The following FMN1 variants were observed in gnomAD, a reference collection of about 807,000 sequenced individuals.
The protein encoded by FMN1 is formin 1.
Under a neutral mutation model 132.4 loss-of-function variants are expected in FMN1, and 110 were observed. The observed-to-expected ratio is 0.83, with a 90% confidence interval of 0.71 to 0.97. The LOEUF (loss-of-function observed/expected upper bound fraction) is 0.97, where lower values mean the gene tolerates loss of function less well. Ranked by LOEUF, FMN1 falls within the 50% of genes least tolerant of loss-of-function variation. The pLI is 0.00. For missense variants in FMN1, 1,792 were observed against 1,705.3 expected (o/e 1.05, Z -0.90); for synonymous variants, 722 against 651.7 (o/e 1.11, Z -1.64).
chr15:33,177,688 C>A (rs528351823), intron 3 of FMN1, among the ~76,000 whole-genome samples: 55 of 152,142 alleles, frequency 3.6e-4, no homozygotes, highest in African/African-American at 1.3e-3. Context: ...TGAAAACAGG[C>A]AAAGGAAATG....
intron 6 of FMN1, among the ~76,000 whole-genome samples, chr15:33,043,819 C>T (rs566256003): frequency 6.6e-6 from 1 of 152,326 alleles, no homozygotes; most frequent in East Asian, 1.9e-4. Context: ...CTGCAGCTGC[C>T]CAGCCATGGC....
chr15:33,188,297 G>A (rs1002365371), intron 2 of FMN1, among the ~76,000 whole-genome samples: 10 of 152,168 alleles, frequency 6.6e-5, no homozygotes, highest in Admixed American at 1.3e-4. Flanking sequence ...CCAAGATCAT[G>A]CTGCTGCACT....
rs1257857156 is a variant in FMN1, at chr15:32,976,989, G to GT, written c.2224-7513dup. ...TATAAGATCCCACAGCTGAAAAATA[G>GT]TAACAAGGGGATTTCAATCCTGGCT... is the stretch of plus-strand genomic sequence containing the variant. On this transcript the variant is annotated intron_variant, in intron 7 of 20. Coordinates refer to ENST00000616417, the MANE Select transcript of FMN1 (RefSeq NM_001277313.2). Among the ~76,000 whole-genome samples the GT allele has an allele frequency of 2.6e-5, 4 of 152,318 alleles. No homozygotes were observed. In the South Asian group the frequency reaches 8.3e-4, roughly 32 times the overall value.
intron 4 of FMN1, among the ~76,000 whole-genome samples, chr15:33,113,348 T>C (rs2039785561): frequency 6.6e-6 from 1 of 152,232 alleles, no homozygotes; most frequent in Non-Finnish European, 1.5e-5. Flanking sequence ...GAATTATCTA[T>C]TGTTTTAAAC....
At chr15:33,079,385 G>A (rs1302055224) in intron 5 of FMN1, among the ~76,000 whole-genome samples, 1 of 150,914 alleles carries the variant, frequency 6.6e-6, no homozygotes, top group African/African-American at 2.4e-5. Context: ...ACGCAGGAAG[G>A]CTGAGGGAGG....
At chr15:32,811,975 C>G (rs1350285324) in intron 17 of FMN1, among the ~76,000 whole-genome samples, 2 of 151,964 alleles carry the variant, frequency 1.3e-5, no homozygotes, top group Admixed American at 6.6e-5. Flanking sequence ...TCTGCCATTT[C>G]TAGTTGCCCC....
At chr15:33,174,840 G>A (rs766016827) in intron 3 of FMN1, among the ~76,000 whole-genome samples, 6 of 152,092 alleles carry the variant, frequency 3.9e-5, no homozygotes, top group Non-Finnish European at 7.3e-5. Context: ...AAATCTTTCC[G>A]CATTTCACAC....
chr15:32,825,722 G>A (rs1055999013), intron 17 of FMN1, among the ~76,000 whole-genome samples: 2 of 152,330 alleles, frequency 1.3e-5, no homozygotes, highest in East Asian at 1.9e-4. Flanking sequence ...ATGGGCTGAA[G>A]AAATTTTCTC....
chr15:33,079,012 G>A (rs1366783843), intron 5 of FMN1, among the ~76,000 whole-genome samples: 1 of 152,140 alleles, frequency 6.6e-6, no homozygotes, highest in African/African-American at 2.4e-5. Flanking sequence ...GTGAATTTTA[G>A]AGAAAATAAA....
intron 17 of FMN1, among the ~76,000 whole-genome samples, chr15:32,815,054 C>T (rs140706695): frequency 0.19 from 28,509 of 151,898 alleles, 2,838 homozygotes; most frequent in East Asian, 0.28. Flanking sequence ...CCCATTCTCC[C>T]GCCTCAGCCT....
chr15:32,897,400 T>A (rs1259662851), intron 15 of FMN1, among the ~76,000 whole-genome samples: 1 of 152,188 alleles, frequency 6.6e-6, no homozygotes, highest in African/African-American at 2.4e-5. Context: ...GGAGACTTTT[T>A]CCCAAAAAAT....
chr15:32,967,452 G>A (rs2956147), intron 8 of FMN1, among the ~76,000 whole-genome samples: 79,160 of 152,028 alleles, frequency 0.52, 22,137 homozygotes, highest in East Asian at 0.77. Context: ...ACACTAATAC[G>A]GAAACATGAC....
chr15:32,858,435 T>C (rs146748022), intron 16 of FMN1, among the ~76,000 whole-genome samples: 2 of 152,330 alleles, frequency 1.3e-5, no homozygotes, highest in East Asian at 1.9e-4. Context: ...GGGAACCCTT[T>C]GTCATTTTCT....
intron 4 of FMN1, among the ~76,000 whole-genome samples, chr15:33,102,538 C>G (rs1397020955): frequency 2.0e-5 from 3 of 152,028 alleles, no homozygotes; most frequent in Non-Finnish European, 2.9e-5. Context: ...TTCTTTTCCT[C>G]TCTCCCTCCT....
intron 2 of FMN1, among the ~76,000 whole-genome samples, chr15:33,192,497 C>T (rs996747503): frequency 7.2e-5 from 11 of 152,242 alleles, no homozygotes; most frequent in African/African-American, 2.7e-4. Flanking sequence ...GAGAAAGAAG[C>T]AGTCTAGAAT....
At chr15:33,017,587 C>T (rs2035131982) in intron 6 of FMN1, among the ~76,000 whole-genome samples, 1 of 152,038 alleles carries the variant, frequency 6.6e-6, no homozygotes, top group Admixed American at 6.5e-5. Flanking sequence ...AAATATTGGA[C>T]AATAACTGGG....
chr15:33,099,245 C>T (rs981542853), intron 4 of FMN1, among the ~76,000 whole-genome samples: 1 of 152,198 alleles, frequency 6.6e-6, no homozygotes, highest in Non-Finnish European at 1.5e-5. Context: ...GAGGCAAGAT[C>T]GTGCCATTGC....
At chr15:33,044,291 G>T (rs1198403541) in intron 6 of FMN1, among the ~76,000 whole-genome samples, 2 of 152,218 alleles carry the variant, frequency 1.3e-5, no homozygotes, top group African/African-American at 2.4e-5. Context: ...GTGAAAAGGG[G>T]TAGGTCCCTA....
At chr15:32,957,037 C>T (rs2061785287) in intron 9 of FMN1, among the ~76,000 whole-genome samples, 1 of 152,080 alleles carries the variant, frequency 6.6e-6, no homozygotes. Context: ...ATCACAACCC[C>T]CTTCCCCCAA....
Sources: allele counts gnomAD v4.1 joint callset (sites outside exome capture counted in the v4.1 genomes callset), GRCh38; gene constraint gnomAD v4.1.1; transcripts MANE v1.5; gene names NCBI Gene and HGNC (gene_info 2026-07-23, HGNC 2026-07-21).